ST6GALNAC5: variants seen among roughly 807,000 people sequenced by gnomAD.
ST6GALNAC5 encodes the protein alpha-N-acetylgalactosaminide alpha-2,6-sialyltransferase 5.
Under a neutral mutation model 33.6 loss-of-function variants are expected in ST6GALNAC5, and 27 were observed. The ratio of observed to expected loss-of-function variants is 0.80; its 90% CI spans 0.59 to 1.11. The LOEUF is 1.11. Ranked by LOEUF, ST6GALNAC5 falls within the 50% of genes least tolerant of loss-of-function variation. ST6GALNAC5 has a pLI of 0.00. For synonymous variants in ST6GALNAC5, 194 were observed against 171.2 expected, an observed-to-expected ratio of 1.13 and a Z score of -1.04; for missense variants, 428 against 454.0, an observed-to-expected ratio of 0.94 and a Z score of 0.52.
chr1:76,959,387 A>G (rs888928386), intron 2 of ST6GALNAC5, among the ~76,000 whole-genome samples: 3 of 152,142 alleles, frequency 2.0e-5, no homozygotes, highest in African/African-American at 7.2e-5. Context: ...TGCTTTTTAC[A>G]TTTAACTCTT....
At chr1:76,929,864 C>A (rs1766287) in intron 2 of ST6GALNAC5, among the ~76,000 whole-genome samples, 14 of 151,542 alleles carry the variant, frequency 9.2e-5, no homozygotes, top group Non-Finnish European at 1.5e-4. Flanking sequence ...TAATCCCAGC[C>A]CTTTGGGAGG....
intron 2 of ST6GALNAC5, among the ~76,000 whole-genome samples, chr1:76,894,269 T>G (rs772121230): frequency 6.6e-6 from 1 of 152,210 alleles, no homozygotes; most frequent in Non-Finnish European, 1.5e-5. Context: ...TGGAGCTGCA[T>G]GAATTGAGAT....
intron 2 of ST6GALNAC5, among the ~76,000 whole-genome samples, chr1:76,915,586 C>A (rs1450578952): frequency 6.6e-6 from 1 of 151,352 alleles, no homozygotes; most frequent in East Asian, 1.9e-4. Flanking sequence ...AGTAAACTAT[C>A]ACAAGGACAA....
At chr1:76,983,610 CAAGTT>C (rs1649352496) in intron 2 of ST6GALNAC5, among the ~76,000 whole-genome samples, 2 of 150,000 alleles carry the variant, frequency 1.3e-5, no homozygotes, top group Non-Finnish European at 3.0e-5. Flanking sequence ...ATCAACAAGA[CAAGTT>C]AACAAGGATA....
intron 2 of ST6GALNAC5, among the ~76,000 whole-genome samples, chr1:76,938,450 A>G (rs1471055872): frequency 6.6e-6 from 1 of 152,182 alleles, no homozygotes; most frequent in Non-Finnish European, 1.5e-5. Flanking sequence ...ATGATTGAAG[A>G]TGAGAGAGCA....
chr1:76,994,128 T>C (rs1649838990), intron 2 of ST6GALNAC5, among the ~76,000 whole-genome samples: 1 of 152,212 alleles, frequency 6.6e-6, no homozygotes, highest in Non-Finnish European at 1.5e-5. Context: ...CAGAGACAGC[T>C]GAATTCACCC....
chr1:77,044,111 G>A, intron 2 of ST6GALNAC5, 93 bp from the exon 3 acceptor site: 1 of 1,348,776 alleles, frequency 7.4e-7, no homozygotes, highest in Non-Finnish European at 1.0e-6. Flanking sequence ...AGAGATGGGT[G>A]CCCTTCTTCA....
At position 77,063,185 on chromosome 1, in the gene ST6GALNAC5, T is replaced by A. The variant is rs760631217; in HGVS notation, c.990T>A (p.Pro330=). ...WKPESLAINH[P]ENKPVF is the part of the protein sequence containing the mutation. ...CAGAATCACTTGCTATAAATCATCC[T>A]GAGAATAAACCTGTGTTCTAAGGAA... Residue 330 remains proline, a synonymous_variant, in exon 5 of 5, where the codon CCT becomes CCA. Coordinates refer to ENST00000477717, the MANE Select transcript of ST6GALNAC5 (RefSeq NM_030965.3). The A allele has an allele frequency of 6.8e-6, 11 of 1,613,676 alleles. No individual in the cohort carries two copies. The Admixed American group carries it at 1.5e-4, about 22-fold the overall frequency.
chr1:76,970,978 C>A (rs1405883684), intron 2 of ST6GALNAC5, among the ~76,000 whole-genome samples: 1 of 151,824 alleles, frequency 6.6e-6, no homozygotes, highest in African/African-American at 2.4e-5. Context: ...ACTTTTATTT[C>A]TTGTTCTTTC....
chr1:76,933,077 T>C (rs1007934658), intron 2 of ST6GALNAC5, among the ~76,000 whole-genome samples: 3 of 152,108 alleles, frequency 2.0e-5, no homozygotes, highest in East Asian at 1.9e-4. Context: ...TAGAGGTAGC[T>C]TTTTTAAAAA....
chr1:76,900,638 C>A (rs1196994933), intron 2 of ST6GALNAC5, among the ~76,000 whole-genome samples: 1 of 152,042 alleles, frequency 6.6e-6, no homozygotes, highest in African/African-American at 2.4e-5. Flanking sequence ...TCACATTGAA[C>A]AAAATGAAAG....
rs1454294752 is a variant in ST6GALNAC5, at chr1:77,065,866, C to T, written c.*2660C>T. 6.6e-6 allele frequency among the ~76,000 whole-genome samples: 1 copy of T among 152,190 alleles called. No homozygotes were observed. Among genetic ancestry groups the T allele is most frequent in the Admixed American group, 6.5e-5 (1 of 15,274 alleles). ...CTTTTAAGACCACAGTAATACAATG[C>T]CACAGCTGGTCGATCCATGGCTTCT... On this transcript the variant is annotated 3_prime_UTR_variant, in exon 5 of 5. Transcript: ENST00000477717.
chr1:76,899,434 G>C (rs1211211070), intron 2 of ST6GALNAC5, among the ~76,000 whole-genome samples: 6 of 152,056 alleles, frequency 3.9e-5, no homozygotes, highest in African/African-American at 1.4e-4. Context: ...GGGGCACAGA[G>C]ATAAGAGGTC....
chr1:76,891,809 T>C lies in ST6GALNAC5; in HGVS notation c.261+23067T>C, dbSNP rs150395398. Among the ~76,000 whole-genome samples, 430 of 152,318 alleles carry C rather than the reference T, an allele frequency of 2.8e-3. 5 individuals carry two copies. The highest frequency in any genetic ancestry group is 0.013 in the South Asian group (62 of 4,832). On this transcript the variant is annotated intron_variant, in intron 2 of 4. Transcript: ENST00000477717. ...TCTCTGGCATGTAGATATCCAGTTG[T>C]CCAAGCATAATTTGTTGAAAAAACT...
At chr1:77,028,478 A>G (rs867142904) in intron 2 of ST6GALNAC5, among the ~76,000 whole-genome samples, 1 of 152,080 alleles carries the variant, frequency 6.6e-6, no homozygotes, top group African/African-American at 2.4e-5. Flanking sequence ...GAAAGCCGAA[A>G]CCCACTTTCT....
chr1:76,995,291 G>A (rs1649885664), intron 2 of ST6GALNAC5, among the ~76,000 whole-genome samples: 1 of 152,140 alleles, frequency 6.6e-6, no homozygotes, highest in South Asian at 2.1e-4. Context: ...CCAGATACTT[G>A]GGAGGCTGGG....
intron 2 of ST6GALNAC5, among the ~76,000 whole-genome samples, chr1:76,872,115 A>G (rs1205400156): frequency 3.7e-5 from 5 of 133,458 alleles, no homozygotes; most frequent in Non-Finnish European, 7.8e-5. Context: ...ACACACACAC[A>G]CACCACACAC....
At chr1:76,910,827 T>C (rs1646904559) in intron 2 of ST6GALNAC5, among the ~76,000 whole-genome samples, 1 of 151,940 alleles carries the variant, frequency 6.6e-6, no homozygotes, top group African/African-American at 2.4e-5. Context: ...TATAAAATTC[T>C]GCTCCTCTGA....
chr1:76,967,583 T>C (rs1648551461), intron 2 of ST6GALNAC5, among the ~76,000 whole-genome samples: 1 of 152,202 alleles, frequency 6.6e-6, no homozygotes, highest in Non-Finnish European at 1.5e-5. Flanking sequence ...CTCTATCTCT[T>C]TCAGTGCTGC....
Sources: allele counts gnomAD v4.1 joint callset (sites outside exome capture counted in the v4.1 genomes callset), GRCh38; gene constraint gnomAD v4.1.1; transcripts MANE v1.5; gene names NCBI Gene and HGNC (gene_info 2026-07-23, HGNC 2026-07-21).